Variants in ERC1 observed in about 807,000 individuals in gnomAD.
The protein encoded by ERC1 is RAB6 interacting protein 2.
A neutral mutation model predicts 132.0 loss-of-function variants in ERC1; 56 were observed. The ratio of observed to expected loss-of-function variants is 0.42; its 90% CI spans 0.34 to 0.53. The LOEUF (loss-of-function observed/expected upper bound fraction) is 0.53, where lower values mean the gene tolerates loss of function less well. ERC1 is among the 20% of genes least tolerant of loss of function. The pLI is 0.03. For missense variants in ERC1, 1,202 were observed against 1,349.9 expected (o/e 0.89, Z 1.72); for synonymous variants, 478 against 476.1 (o/e 1.00, Z -0.05).
intron 1 of ERC1, among the ~76,000 whole-genome samples, chr12:1,003,638 A>G (rs1962898007): frequency 6.6e-6 from 1 of 152,196 alleles, no homozygotes; most frequent in Non-Finnish European, 1.5e-5. Context: ...TCAAAGGGAA[A>G]TCTTTCAACT....
intron 15 of ERC1, among the ~76,000 whole-genome samples, chr12:1,299,563 G>A (rs11614113): frequency 0.3 from 44,909 of 151,950 alleles, 6,906 homozygotes; most frequent in Middle Eastern, 0.37. Context: ...GAAATTCATT[G>A]ATCTTAGTTT....
intron 12 of ERC1, among the ~76,000 whole-genome samples, chr12:1,218,891 G>A (rs1958692152): frequency 6.7e-6 from 1 of 149,044 alleles, no homozygotes; most frequent in South Asian, 2.1e-4. Context: ...TCTTTTTTTT[G>A]AGATGGAGTC....
At position 1,312,449 on chromosome 12, in the gene ERC1, C is replaced by T. The variant is rs1474411528; in HGVS notation, c.2780+22437C>T. 2.0e-5 allele frequency among the ~76,000 whole-genome samples: 3 copies of T among 152,254 alleles called. No individual in the cohort carries two copies. In the East Asian group the frequency reaches 5.8e-4, roughly 29 times the overall value. ...GGATCTCGGCTCACTGCAACCACCT[C>T]CCGGGTTTGAGTGATTCTCATGCCT... On this transcript the variant is annotated intron_variant, in intron 15 of 18. Transcript: ENST00000360905.
In ERC1 at chr12:1,214,254, C is replaced by T. The variant is rs751909432; in HGVS notation, c.2352-22515C>T. ...GTATCGTAGTTACAGTCAGACAGAC[C>T]TGAGTTTGAGTACTAGTTCTAGGAT... On this transcript the variant is annotated intron_variant, in intron 12 of 18. Coordinates refer to ENST00000360905, the MANE Select transcript of ERC1 (RefSeq NM_178040.4). Among the ~76,000 whole-genome samples the T allele has an allele frequency of 3.3e-5, 5 of 152,216 alleles. No individual in the cohort carries two copies. In the South Asian group the frequency reaches 1.0e-3, roughly 32 times the overall value.
intron 7 of ERC1, among the ~76,000 whole-genome samples, chr12:1,124,782 A>G (rs1029231675): frequency 2.0e-5 from 3 of 152,254 alleles, no homozygotes; most frequent in Non-Finnish European, 2.9e-5. Flanking sequence ...AAAATAATAT[A>G]AGACAACTCT....
chr12:1,222,292 C>T (rs191684522), intron 12 of ERC1, among the ~76,000 whole-genome samples: 159 of 151,342 alleles, frequency 1.1e-3, no homozygotes, highest in Middle Eastern at 6.8e-3. Context: ...AGCAGTGGCG[C>T]GATCTTGGCT....
At chr12:1,388,123 A>G (rs994434183) in intron 16 of ERC1, among the ~76,000 whole-genome samples, 7 of 152,096 alleles carry the variant, frequency 4.6e-5, no homozygotes, top group Non-Finnish European at 8.8e-5. Flanking sequence ...GCACTTTGGG[A>G]GGCCGAGGCG....
At position 1,434,772 on chromosome 12, in the gene ERC1, T is replaced by C. The variant is rs118104020; in HGVS notation, c.3025-9790T>C. On this transcript the variant is annotated intron_variant, in intron 17 of 18. Transcript: ENST00000360905. ...AGTCATGGTCCAGGTTGTGTAATCT[T>C]GAAACATCAGCCACCATTTGTAGTA... Among the ~76,000 whole-genome samples the C allele has an allele frequency of 5.9e-5, 9 of 152,330 alleles. No individual in the cohort carries two copies. In the East Asian group the frequency reaches 1.7e-3, roughly 29 times the overall value.
intron 8 of ERC1, among the ~76,000 whole-genome samples, chr12:1,165,469 C>T (rs866290672): frequency 2.0e-5 from 3 of 151,962 alleles, no homozygotes; most frequent in Non-Finnish European, 2.9e-5. Context: ...CCATGCCCGG[C>T]GAATTTTTTT....
At chr12:1,316,262 T>A (rs1392502781) in intron 15 of ERC1, among the ~76,000 whole-genome samples, 2 of 152,200 alleles carry the variant, frequency 1.3e-5, no homozygotes, top group African/African-American at 2.4e-5. Context: ...TATGAGAAGC[T>A]TTTTAAACCA....
intron 2 of ERC1, among the ~76,000 whole-genome samples, chr12:1,047,124 T>C (rs552816452): frequency 2.0e-5 from 3 of 152,292 alleles, no homozygotes; most frequent in South Asian, 2.1e-4. Context: ...GTCCTACTTA[T>C]TGAACTTTTG....
At position 1,276,710 on chromosome 12, in the gene ERC1, A is replaced by G. The variant is rs576115969; in HGVS notation, c.2620-13142A>G. 5.3e-5 allele frequency among the ~76,000 whole-genome samples: 8 copies of G among 152,266 alleles called. No homozygotes were observed. The South Asian group carries it at 1.7e-3, about 32-fold the overall frequency. On this transcript the variant is annotated intron_variant, in intron 14 of 18. Transcript: ENST00000360905. ...GTGTCTTATTTACTGTTGTATCCTC[A>G]GCGTCTACCATTGCACCTGGTACAC...
intron 6 of ERC1, among the ~76,000 whole-genome samples, chr12:1,113,311 C>G (rs947886810): frequency 6.6e-6 from 1 of 152,110 alleles, no homozygotes; most frequent in Non-Finnish European, 1.5e-5. Context: ...CATTTTATAA[C>G]GTGCTGAGTT....
chr12:1,144,614 G>GTATATATATATATATATATATATATA (rs142846830), intron 8 of ERC1, among the ~76,000 whole-genome samples: 30 of 132,262 alleles, frequency 2.3e-4, no homozygotes, highest in African/African-American at 9.1e-4. Context: ...GAATTTTGTG[G>GTATATATATATATATATATATATATA]TATATATATA....
chr12:1,484,070 C>CCAAAG (rs370523853), intron 18 of ERC1, among the ~76,000 whole-genome samples: 24 of 61,418 alleles, frequency 3.9e-4, no homozygotes, highest in Non-Finnish European at 6.9e-4. Context: ...CTTTGGGAGG[C>CCAAAG]TGAGGCGGGC....
At chr12:1,224,683 AAAAG>A (rs1424956281) in intron 12 of ERC1, among the ~76,000 whole-genome samples, 5 of 152,044 alleles carry the variant, frequency 3.3e-5, no homozygotes, top group African/African-American at 1.2e-4. Context: ...AAAATGATAA[AAAAG>A]AAAAAAAAAT....
rs1370868004 is a variant in ERC1, at chr12:1,455,265, GATTAAC to G, written c.3213+10522_3213+10527del. Among the ~76,000 whole-genome samples the G allele has an allele frequency of 2.6e-5, 4 of 152,140 alleles. No individual in the cohort carries two copies. The East Asian group carries it at 7.7e-4, about 29-fold the overall frequency. On this transcript the variant is annotated intron_variant, in intron 18 of 18. Transcript: ENST00000360905. ...TCTAATCTTCATACAATGTACAACA[GATTAAC>G]ATTAACTGTAGTCACCCTATTGATC...
intron 18 of ERC1, among the ~76,000 whole-genome samples, chr12:1,488,323 T>G (rs926539305): frequency 1.3e-5 from 2 of 152,094 alleles, no homozygotes; most frequent in Non-Finnish European, 2.9e-5. Flanking sequence ...CTGGGTGATC[T>G]TACCCATTTA....
chr12:1,143,688 A>G (rs1950074604), intron 8 of ERC1, among the ~76,000 whole-genome samples: 1 of 151,656 alleles, frequency 6.6e-6, no homozygotes, highest in Non-Finnish European at 1.5e-5. Flanking sequence ...GGGAGTACAT[A>G]AAATTTGTAG....
Sources: gnomAD v4.1 joint callset for allele counts (sites outside exome capture counted in the v4.1 genomes callset) on GRCh38, gnomAD v4.1.1 for gene constraint, MANE v1.5 for transcripts, NCBI Gene and HGNC (gene_info 2026-07-23, HGNC 2026-07-21) for gene names.